The following ACTR3C variants were observed in gnomAD, a reference collection of about 807,000 sequenced individuals.
ACTR3C encodes the protein actin related protein 3C, also known as actin-related protein 3C.
Under a neutral mutation model 26.3 loss-of-function variants are expected in ACTR3C, and 18 were observed. The ratio of observed to expected loss-of-function variants is 0.68; its 90% CI spans 0.47 to 1.01. ACTR3C has a LOEUF of 1.01. Ranked by LOEUF, ACTR3C falls within the 50% of genes least tolerant of loss-of-function variation. The pLI is 0.00. For synonymous variants in ACTR3C, 55 were observed against 94.5 expected (o/e 0.58, Z 2.42); for missense variants, 184 against 250.7 (o/e 0.73, Z 1.80).
At chr7:150,058,353 A>T in the ACTR3C span, among the ~76,000 whole-genome samples, 1 of 152,080 alleles carries the variant, frequency 6.6e-6, no homozygotes, top group Non-Finnish European at 1.5e-5. Flanking sequence ...CCAACCTTTC[A>T]TTGGTTGCCC....
At chr7:150,009,405 G>A in the ACTR3C span, among the ~76,000 whole-genome samples, 64 of 152,350 alleles carry the variant, frequency 4.2e-4, no homozygotes, top group Admixed American at 4.1e-3. Flanking sequence ...CCAACACTGC[G>A]CGAAGTGCAT....
At chr7:150,107,532 A>G in the ACTR3C span, among the ~76,000 whole-genome samples, 2 of 152,012 alleles carry the variant, frequency 1.3e-5, no homozygotes, top group Admixed American at 1.3e-4. Context: ...CAAAGCTTAC[A>G]TTTTAGTGAA....
chr7:150,277,349 G>A (rs1834965430), intron 6 of ACTR3C, among the ~76,000 whole-genome samples: 2 of 152,160 alleles, frequency 1.3e-5, no homozygotes, highest in South Asian at 4.1e-4. Flanking sequence ...TATTGGTTCT[G>A]TTTCTAAAGA....
the ACTR3C span, among the ~76,000 whole-genome samples, chr7:149,971,852 T>C: frequency 2.6e-5 from 4 of 152,236 alleles, no homozygotes; most frequent in Admixed American, 6.5e-5. Context: ...TGCACACCAA[T>C]GGGCTGCGCC....
chr7:150,294,621 G>A (rs1836579740), intron 2 of ACTR3C, among the ~76,000 whole-genome samples: 1 of 152,348 alleles, frequency 6.6e-6, no homozygotes, highest in East Asian at 1.9e-4. Flanking sequence ...GCTGCAGGAT[G>A]CAGCATCGCC....
the ACTR3C span, among the ~76,000 whole-genome samples, chr7:150,145,325 T>C: frequency 1.3e-3 from 198 of 152,272 alleles, no homozygotes; most frequent in African/African-American, 4.5e-3. Context: ...ATATGACCAA[T>C]GGAGAAAAGC....
the ACTR3C span, among the ~76,000 whole-genome samples, chr7:150,099,748 T>A: frequency 2.6e-4 from 40 of 151,480 alleles, no homozygotes; most frequent in African/African-American, 9.8e-4. Flanking sequence ...GGTGGATCTC[T>A]GGGTCTGGGT....
At chr7:150,023,109 C>A in the ACTR3C span, among the ~76,000 whole-genome samples, 29 of 140,250 alleles carry the variant, frequency 2.1e-4, no homozygotes, top group African/African-American at 2.7e-4. Flanking sequence ...CTCTTTCTCT[C>A]TCTATATATC....
chr7:150,070,423 C>A, the ACTR3C span, among the ~76,000 whole-genome samples: 2 of 152,156 alleles, frequency 1.3e-5, no homozygotes, highest in East Asian at 3.9e-4. Context: ...CGGTCAGGGG[C>A]AGAGAAATAG....
chr7:150,113,208 G>C, the ACTR3C span, among the ~76,000 whole-genome samples: 1 of 150,064 alleles, frequency 6.7e-6, no homozygotes, highest in African/African-American at 2.5e-5. Context: ...CCCGTCCAAC[G>C]GAAATGGAAT....
the ACTR3C span, chr7:150,044,606 T>A: frequency 6.6e-6 from 1 of 152,248 alleles, no homozygotes; most frequent in African/African-American, 2.4e-5. Context: ...TATCTCCGCA[T>A]TTTATTTCTC....
chr7:150,070,383 G>C, the ACTR3C span, among the ~76,000 whole-genome samples: 1 of 152,296 alleles, frequency 6.6e-6, no homozygotes, highest in East Asian at 1.9e-4. Context: ...AATCAGTTTG[G>C]AAGATGTGTA....
At chr7:150,003,356 G>T in the ACTR3C span, among the ~76,000 whole-genome samples, 11 of 150,188 alleles carry the variant, frequency 7.3e-5, no homozygotes, top group Non-Finnish European at 1.3e-4. Flanking sequence ...TGTGTGGTAT[G>T]TGGTGTGTGC....
chr7:149,885,025 G>T, the ACTR3C span, among the ~76,000 whole-genome samples: 4 of 152,092 alleles, frequency 2.6e-5, no homozygotes, highest in African/African-American at 9.7e-5. Context: ...TTGTGGGGGA[G>T]GGGGAGCACG....
the ACTR3C span, among the ~76,000 whole-genome samples, chr7:150,029,187 C>T: frequency 6.6e-6 from 1 of 151,936 alleles, no homozygotes; most frequent in Non-Finnish European, 1.5e-5. Flanking sequence ...CTAAGGGCAT[C>T]CTGCAGCTGC....
chr7:150,190,842 A>G, the ACTR3C span, among the ~76,000 whole-genome samples: 11 of 152,306 alleles, frequency 7.2e-5, no homozygotes, highest in African/African-American at 2.6e-4. Flanking sequence ...TCATGGTGGA[A>G]GGGGAAGCAA....
At chr7:150,039,005 G>A in the ACTR3C span, among the ~76,000 whole-genome samples, 3 of 46,706 alleles carry the variant, frequency 6.4e-5, no homozygotes, top group African/African-American at 2.0e-4. Context: ...GAGCCGGGGG[G>A]CGGGGAAGAG....
chr7:149,902,999 C>A, the ACTR3C span, among the ~76,000 whole-genome samples: 1 of 47,284 alleles, frequency 2.1e-5, no homozygotes, highest in African/African-American at 4.2e-5. Flanking sequence ...ATCTCAATAA[C>A]AGAAAAGCTT....
the ACTR3C span, among the ~76,000 whole-genome samples, chr7:150,041,918 G>GC: frequency 6.6e-6 from 1 of 151,178 alleles, no homozygotes. Flanking sequence ...GCCAGGGGGG[G>GC]AAGAGGGTCT....
Sources: gnomAD v4.1 joint callset for allele counts (sites outside exome capture counted in the v4.1 genomes callset) on GRCh38, gnomAD v4.1.1 for gene constraint, MANE v1.5 for transcripts, NCBI Gene and HGNC (gene_info 2026-07-23, HGNC 2026-07-21) for gene names.